The following HPSE2 variants were observed in gnomAD, a reference collection of about 807,000 sequenced individuals.
The protein encoded by HPSE2 is inactive heparanase-2.
A neutral mutation model predicts 60.5 loss-of-function variants in HPSE2; 38 were observed. The observed-to-expected ratio is 0.63, with a 90% confidence interval of 0.48 to 0.82. The LOEUF (loss-of-function observed/expected upper bound fraction) is 0.82. Among genes scored for constraint, HPSE2 ranks in the 40% least tolerant of loss-of-function variants. HPSE2 has a pLI of 0.00. For missense variants in HPSE2, 713 were observed against 740.4 expected, an observed-to-expected ratio of 0.96 and a Z score of 0.43; for synonymous variants, 295 against 293.2, an observed-to-expected ratio of 1.01 and a Z score of -0.06.
chr10:98,468,389 CG>C (rs1331702758), intron 11 of HPSE2, among the ~76,000 whole-genome samples: 2 of 121,192 alleles, frequency 1.7e-5, no homozygotes, highest in Non-Finnish European at 3.8e-5. Context: ...TCAGGAGTCA[CG>C]GGGGCAATTA....
intron 4 of HPSE2, among the ~76,000 whole-genome samples, chr10:98,736,875 C>A (rs1482028193): frequency 6.6e-6 from 1 of 152,162 alleles, no homozygotes; most frequent in Non-Finnish European, 1.5e-5. Context: ...CCATTTCACA[C>A]TTGGCATATT....
At chr10:98,484,043 C>T (rs1254887299) in intron 10 of HPSE2, among the ~76,000 whole-genome samples, 1 of 152,172 alleles carries the variant, frequency 6.6e-6, no homozygotes, top group Non-Finnish European at 1.5e-5. Context: ...CCTTTGTCAA[C>T]CTGAGAGGTG....
chr10:98,756,928 A>G (rs1224107114), intron 3 of HPSE2, among the ~76,000 whole-genome samples: 1 of 152,204 alleles, frequency 6.6e-6, no homozygotes, highest in Non-Finnish European at 1.5e-5. Context: ...AAAAATCCTC[A>G]ACAAAATACT....
intron 2 of HPSE2, among the ~76,000 whole-genome samples, chr10:99,207,756 A>T (rs1403738224): frequency 6.6e-6 from 1 of 151,934 alleles, no homozygotes; most frequent in Non-Finnish European, 1.5e-5. Flanking sequence ...GTTTTTATAT[A>T]AGCTTCACTC....
At chr10:99,280,672 C>T in the HPSE2 span, among the ~76,000 whole-genome samples, 3 of 152,278 alleles carry the variant, frequency 2.0e-5, no homozygotes, top group Non-Finnish European at 4.4e-5. Context: ...ATATGTAACA[C>T]AGCTCTCACT....
At chr10:98,546,372 C>T (rs1943674328) in intron 9 of HPSE2, among the ~76,000 whole-genome samples, 1 of 141,224 alleles carries the variant, frequency 7.1e-6, no homozygotes. Context: ...AAGAACAAAG[C>T]TGGAGGCATC....
chr10:98,801,389 C>T (rs952622421), intron 3 of HPSE2, among the ~76,000 whole-genome samples: 2 of 151,994 alleles, frequency 1.3e-5, no homozygotes, highest in Non-Finnish European at 2.9e-5. Context: ...AAATAAAGGG[C>T]ATCCAAATTG....
rs184533841 is a variant in HPSE2, at chr10:98,490,007, G to A, written c.1466+44C>T. On this transcript the variant is annotated intron_variant, in intron 10 of 11. Coordinates refer to ENST00000370552, the MANE Select transcript of HPSE2 (RefSeq NM_021828.5). ...AAGGGGTCCCAAATGGTATGGGGTG[G>A]GAGCCCCTCAGGTGGCCTTTCTGCC... The A allele has an allele frequency of 3.9e-3, 6,232 of 1,612,678 alleles. 44 individuals are homozygous for A. The highest frequency in any genetic ancestry group is 0.025 in the Middle Eastern group (154 of 6,058).
intron 2 of HPSE2, among the ~76,000 whole-genome samples, chr10:99,174,000 TATTA>T (rs1031208127): frequency 7.2e-6 from 1 of 138,930 alleles, no homozygotes; most frequent in Non-Finnish European, 1.5e-5. Flanking sequence ...ACAATTACAA[TATTA>T]ATTATTGTCA....
intron 5 of HPSE2, among the ~76,000 whole-genome samples, chr10:98,707,092 T>C (rs1323217191): frequency 1.4e-5 from 1 of 72,530 alleles, no homozygotes; most frequent in Non-Finnish European, 4.2e-5. Flanking sequence ...CTTTGAAATG[T>C]AGGAATGAAA....
intron 3 of HPSE2, among the ~76,000 whole-genome samples, chr10:98,859,201 C>A (rs753746005): frequency 6.6e-6 from 1 of 152,170 alleles, no homozygotes; most frequent in Admixed American, 6.5e-5. Context: ...TTGCCTACAG[C>A]TACTTTCACA....
intron 3 of HPSE2, among the ~76,000 whole-genome samples, chr10:98,901,535 T>C (rs1303254911): frequency 2.0e-5 from 3 of 152,184 alleles, no homozygotes; most frequent in Non-Finnish European, 4.4e-5. Flanking sequence ...TGCCCACTTC[T>C]TGACAGCTCG....
chr10:99,127,871 C>T (rs951081309), intron 3 of HPSE2, among the ~76,000 whole-genome samples: 1 of 151,734 alleles, frequency 6.6e-6, no homozygotes, highest in Non-Finnish European at 1.5e-5. Flanking sequence ...TGTCAGCCAA[C>T]AATTTTGTAT....
chr10:98,721,965 T>C, intron 4 of HPSE2, 137 bp from the exon 5 acceptor site: 1 of 785,294 alleles, frequency 1.3e-6, no homozygotes, highest in South Asian at 1.6e-5. Context: ...TGAATTATTT[T>C]AACTTAAAGA....
chr10:98,531,224 T>G (rs1187326887), intron 9 of HPSE2, among the ~76,000 whole-genome samples: 6 of 152,180 alleles, frequency 3.9e-5, no homozygotes, highest in Non-Finnish European at 8.8e-5. Flanking sequence ...CAATGGATTC[T>G]GACAAAAGAA....
intron 3 of HPSE2, among the ~76,000 whole-genome samples, chr10:98,928,988 TAATAAATAAATAAATA>T (rs75302353): frequency 7.6e-6 from 1 of 130,956 alleles, no homozygotes; most frequent in Non-Finnish European, 1.6e-5. Flanking sequence ...TAAAGTATAA[TAATAAATAAATAAATA>T]AATAAATAAA....
intron 9 of HPSE2, among the ~76,000 whole-genome samples, chr10:98,548,177 T>C (rs1489617650): frequency 6.6e-6 from 1 of 152,188 alleles, no homozygotes; most frequent in Non-Finnish European, 1.5e-5. Flanking sequence ...GAGAAGAACA[T>C]ATTACTCACT....
chr10:99,300,958 T>TA, the HPSE2 span, among the ~76,000 whole-genome samples: 25 of 152,072 alleles, frequency 1.6e-4, no homozygotes, highest in African/African-American at 5.8e-4. Flanking sequence ...ATTTTACCTG[T>TA]AAAAAAACCA....
intron 9 of HPSE2, among the ~76,000 whole-genome samples, chr10:98,496,127 C>T (rs1941830435): frequency 6.6e-6 from 1 of 151,886 alleles, no homozygotes; most frequent in Non-Finnish European, 1.5e-5. Context: ...CAAGGATCAG[C>T]CTGAGGTACA....
Sources: allele counts gnomAD v4.1 joint callset (sites outside exome capture counted in the v4.1 genomes callset), GRCh38; gene constraint gnomAD v4.1.1; transcripts MANE v1.5; gene names NCBI Gene and HGNC (gene_info 2026-07-23, HGNC 2026-07-21).